The following FRK variants were observed in gnomAD, a reference collection of about 807,000 sequenced individuals.
FRK encodes fyn related Src family tyrosine kinase.
Under a neutral mutation model 56.4 loss-of-function variants are expected in FRK, and 51 were observed. The ratio of observed to expected loss-of-function variants is 0.90; its 90% confidence interval spans 0.72 to 1.14. The LOEUF (loss-of-function observed/expected upper bound fraction) is 1.14, where lower values mean the gene tolerates loss of function less well. Among genes scored for constraint, FRK ranks in the 50% most tolerant of loss-of-function variants. The pLI is 0.00. For missense variants in FRK, 570 were observed against 601.4 expected (o/e 0.95, Z 0.55); for synonymous variants, 245 against 217.9 (o/e 1.12, Z -1.10).
chr6:116,012,167 CTTT>C (rs2114714836), intron 1 of FRK, among the ~76,000 whole-genome samples: 1 of 152,258 alleles, frequency 6.6e-6, no homozygotes, highest in African/African-American at 2.4e-5. Flanking sequence ...TTGCTACAAG[CTTT>C]ACATGCATTT....
intron 1 of FRK, among the ~76,000 whole-genome samples, chr6:116,024,907 C>T (rs537734937): frequency 4.8e-4 from 73 of 152,248 alleles, no homozygotes; most frequent in Non-Finnish European, 9.3e-4. Flanking sequence ...TCCTATTTCT[C>T]CACATCCTCT....
At chr6:115,966,370 G>A (rs954474072) in intron 4 of FRK, among the ~76,000 whole-genome samples, 4 of 152,202 alleles carry the variant, frequency 2.6e-5, no homozygotes, top group South Asian at 2.1e-4. Context: ...CAAAAGGAAT[G>A]TTGTTCTAAA....
Position 115,940,726 on chromosome 6 carries a change from A to G in FRK, c.*1688T>C, listed in dbSNP as rs1168084452. ...TTTATGCAGCCAACAGACATATGAA[A>G]AAAAGCTCATCATCTGATCATTAGA... On this transcript the variant is annotated 3_prime_UTR_variant, in exon 8 of 8. Transcript: ENST00000606080. 6.6e-6 allele frequency: 1 copy of G among 152,268 alleles called. No individual in the cohort carries two copies. The allele number at this position is 152,268 out of a possible 1,614,324, so 9.4% of individuals were successfully genotyped here.
At chr6:115,987,005 C>A (rs1194009402) in intron 2 of FRK, among the ~76,000 whole-genome samples, 2 of 151,992 alleles carry the variant, frequency 1.3e-5, no homozygotes, top group Non-Finnish European at 2.9e-5. Context: ...AGAACAAACC[C>A]AGTACCTTCT....
rs549977265 is a variant in FRK, at chr6:116,033,392, T to C, written c.344+26576A>G. Among the ~76,000 whole-genome samples the C allele has an allele frequency of 5.9e-5, 9 of 152,258 alleles. No individual in the cohort carries two copies. The South Asian group carries it at 1.9e-3, about 32-fold the overall frequency. On this transcript the variant is annotated intron_variant, in intron 1 of 7. Coordinates refer to ENST00000606080, the MANE Select transcript of FRK (RefSeq NM_002031.3). ...TTAGGGATAATTTGTCCTAAGCCCA[T>C]AGATCAGTGGTTCAGGATAGAGCAA...
At chr6:116,040,291 T>C (rs1776664905) in intron 1 of FRK, among the ~76,000 whole-genome samples, 1 of 152,180 alleles carries the variant, frequency 6.6e-6, no homozygotes, top group South Asian at 2.1e-4. Flanking sequence ...TTTGACCTTA[T>C]GGCCAGCATA....
chr6:116,003,024 C>T (rs147433716), intron 2 of FRK, among the ~76,000 whole-genome samples: 99 of 152,186 alleles, frequency 6.5e-4, no homozygotes, highest in African/African-American at 2.3e-3. Context: ...CACAATGAGG[C>T]AAATGGGCAT....
chr6:115,969,507 C>T (rs1041469321), intron 2 of FRK, among the ~76,000 whole-genome samples: 6 of 152,142 alleles, frequency 3.9e-5, no homozygotes, highest in African/African-American at 1.4e-4. Context: ...GTTAACAGCA[C>T]CCCCAGTTTT....
At chr6:116,039,943 T>TAAA (rs1170576390) in intron 1 of FRK, among the ~76,000 whole-genome samples, 1 of 105,790 alleles carries the variant, frequency 9.5e-6, no homozygotes, top group Non-Finnish European at 2.0e-5. Context: ...CACCTGGCAC[T>TAAA]AAAAAAAAAA....
intron 1 of FRK, among the ~76,000 whole-genome samples, chr6:116,037,906 C>T (rs1372086133): frequency 6.6e-6 from 1 of 152,198 alleles, no homozygotes; most frequent in African/African-American, 2.4e-5. Context: ...CAACTGAAGA[C>T]ACTTTCCTGC....
At chr6:116,062,105 A>C (rs544089352), upstream of FRK, among the ~76,000 whole-genome samples, 7 of 152,334 alleles carry the variant, frequency 4.6e-5, no homozygotes, top group African/African-American at 1.4e-4. Flanking sequence ...ATCAGTCCAT[A>C]GCAGTGGACA....
intron 2 of FRK, among the ~76,000 whole-genome samples, chr6:115,978,818 G>T (rs1774085238): frequency 6.6e-6 from 1 of 152,036 alleles, no homozygotes; most frequent in Non-Finnish European, 1.5e-5. Context: ...TATTTACTAT[G>T]CTATATTTTT....
chr6:115,998,135 T>C (rs1774913114), intron 2 of FRK, among the ~76,000 whole-genome samples: 1 of 152,212 alleles, frequency 6.6e-6, no homozygotes, highest in Non-Finnish European at 1.5e-5. Flanking sequence ...CCAGCTGAGC[T>C]TGGGATCTGT....
At chr6:115,957,623 G>A (rs1381036483) in intron 4 of FRK, among the ~76,000 whole-genome samples, 1 of 152,180 alleles carries the variant, frequency 6.6e-6, no homozygotes, top group Admixed American at 6.5e-5. Flanking sequence ...GACATTCTAA[G>A]GCAAAACTAT....
intron 1 of FRK, among the ~76,000 whole-genome samples, chr6:116,009,116 C>T (rs1378389159): frequency 1.3e-5 from 2 of 152,096 alleles, no homozygotes; most frequent in East Asian, 3.8e-4. Flanking sequence ...CTGGTTACAG[C>T]TTGATGTTTG....
intron 2 of FRK, among the ~76,000 whole-genome samples, chr6:115,994,037 A>G (rs914266487): frequency 6.6e-6 from 1 of 152,010 alleles, no homozygotes; most frequent in Admixed American, 6.6e-5. Context: ...CTCTTATAGT[A>G]TTCTTTTTCC....
At chr6:116,028,629 A>C (rs1451992697) in intron 1 of FRK, among the ~76,000 whole-genome samples, 2 of 152,116 alleles carry the variant, frequency 1.3e-5, no homozygotes, top group African/African-American at 4.8e-5. Flanking sequence ...CATCACTCCA[A>C]TCTCTGCCTC....
At chr6:116,000,293 AG>A (rs1301799213) in intron 2 of FRK, among the ~76,000 whole-genome samples, 2 of 122,152 alleles carry the variant, frequency 1.6e-5, no homozygotes, top group East Asian at 2.4e-4. Flanking sequence ...CCCAGGATGG[AG>A]TACAATGGCG....
chr6:115,958,614 T>G, intron 4 of FRK, among the ~76,000 whole-genome samples: 2 of 115,208 alleles, frequency 1.7e-5, no homozygotes, highest in Non-Finnish European at 3.5e-5. Context: ...GGAAATAGAG[T>G]GAGACTCTGT....
Sources: allele counts gnomAD v4.1 joint callset (sites outside exome capture counted in the v4.1 genomes callset), GRCh38; gene constraint gnomAD v4.1.1; transcripts MANE v1.5; gene names NCBI Gene and HGNC (gene_info 2026-07-23, HGNC 2026-07-21).